The following FAM186A variants were observed in gnomAD, a reference collection of about 807,000 sequenced individuals.
The protein encoded by FAM186A is family with sequence similarity 186 member A, also known as protein FAM186A.
FAM186A carries 163 observed loss-of-function variants against 216.8 expected under a neutral mutation model. The ratio of observed to expected loss-of-function variants is 0.75; its 90% CI spans 0.66 to 0.86. The LOEUF is 0.86. Among genes scored for constraint, FAM186A ranks in the 40% least tolerant of loss-of-function variants. FAM186A has a pLI of 0.00. For synonymous variants in FAM186A, 805 were observed against 1,025.3 expected, an observed-to-expected ratio of 0.79 and a Z score of 4.10; for missense variants, 2,184 against 2,746.2, an observed-to-expected ratio of 0.80 and a Z score of 4.58.
At chr12:50,391,288 C>T (rs1943354341) in intron 1 of FAM186A, among the ~76,000 whole-genome samples, 1 of 151,598 alleles carries the variant, frequency 6.6e-6, no homozygotes, top group African/African-American at 2.4e-5. Flanking sequence ...GCCACCATGC[C>T]AGGCCTTATT....
chr12:50,346,187 G>C (rs1942810359), intron 4 of FAM186A, among the ~76,000 whole-genome samples: 1 of 50,782 alleles, frequency 2.0e-5, no homozygotes, highest in Non-Finnish European at 3.6e-5. Flanking sequence ...AAGAAGAAAG[G>C]AAAGAAAGAA....
At position 50,396,493 on chromosome 12, in the gene FAM186A, T is replaced by C. The variant is rs779887745; in HGVS notation, c.-9A>G. ...TTCATTTTGAAGAACATTTTGAAAA[T>C]GTGGGTGATTTCGTTTTATTTCTTC... On this transcript the variant is annotated 5_prime_UTR_variant, in exon 1 of 8. Coordinates refer to ENST00000327337, the MANE Select transcript of FAM186A (RefSeq NM_001145475.3). 5.9e-5 allele frequency: 91 copies of C among 1,532,746 alleles called. No individual in the cohort carries two copies. The highest frequency in any genetic ancestry group is 7.1e-5 in the Non-Finnish European group (81 of 1,140,660). The allele number at this position is 1,532,746 out of a possible 1,614,324, so 94.9% of individuals were successfully genotyped here. A position where few individuals can be genotyped will look rare whatever the true frequency, so the allele number is the denominator to read the frequency against.
At chr12:50,358,922 C>CAAAAA (rs71441361) in intron 3 of FAM186A, among the ~76,000 whole-genome samples, 1 of 118,730 alleles carries the variant, frequency 8.4e-6, no homozygotes. Flanking sequence ...GACTCTGTCT[C>CAAAAA]AAAAAAAAAA....
Position 50,331,812 on chromosome 12 carries a change from T to C in FAM186A, c.6706A>G (p.Ile2236Val). Residue 2236 changes from isoleucine (I) to valine (V), a missense_variant, in exon 6 of 8, where the codon ATA becomes GTA. Ile to Val is a conservative substitution (Grantham distance 29, BLOSUM62 3). Transcript: ENST00000327337. ...MIHVFNQLKK[I>V]HELNLSQPIP... is the part of the protein sequence containing the mutation. ...GGTTGACTAAGATTCAATTCATGTA[T>C]CTTTTTGAGCTATAAAAAAAAATAG... 1 of 1,525,886 alleles carries C rather than the reference T, an allele frequency of 6.6e-7. No individual in the cohort carries two copies. Among genetic ancestry groups the C allele is most frequent in the South Asian group, 1.3e-5 (1 of 78,618 alleles). The allele number at this position is 1,525,886 out of a possible 1,614,324, so 94.5% of individuals were successfully genotyped here.
chr12:50,327,512 G>T, intron 7 of FAM186A, 108 bp from the exon 8 acceptor site: 14 of 630,054 alleles, frequency 2.2e-5, no homozygotes, highest in Non-Finnish European at 3.3e-5. Flanking sequence ...AACTCAAAAA[G>T]ATAAACTAGT....
chr12:50,344,483 G>T (rs1565881179), intron 4 of FAM186A, among the ~76,000 whole-genome samples: 1 of 152,154 alleles, frequency 6.6e-6, no homozygotes, highest in Non-Finnish European at 1.5e-5. Flanking sequence ...TCCATATGTT[G>T]TATATATACC....
At chr12:50,337,960 G>T (rs550980796) in intron 4 of FAM186A, among the ~76,000 whole-genome samples, 7 of 152,082 alleles carry the variant, frequency 4.6e-5, no homozygotes, top group African/African-American at 7.2e-5. Flanking sequence ...AACCATGGGG[G>T]TATCTTATTA....
At chr12:50,369,791 C>A (rs1447698804) in intron 1 of FAM186A, among the ~76,000 whole-genome samples, 1 of 151,898 alleles carries the variant, frequency 6.6e-6, no homozygotes, top group Non-Finnish European at 1.5e-5. Context: ...GAGTTTGAGA[C>A]CAGCCTGGCC....
Position 50,355,571 on chromosome 12 carries a change from G to T in FAM186A, c.1261C>A (p.Arg421=). ...AERTPDLTEL[R]QQPVASEDIS... ...TCTTCAGAAGCAACAGGTTGCTGTC[G>T]TAGTTCAGTTAAATCTGGAGTTCTT... Residue 421 remains arginine, a synonymous_variant, in exon 4 of 8, where the codon CGA becomes AGA. Transcript: ENST00000327337. 4.5e-6 allele frequency: 7 copies of T among 1,551,570 alleles called. No homozygotes were observed. The highest frequency in any genetic ancestry group is 6.1e-6 in the Non-Finnish European group (7 of 1,146,960).
intron 2 of FAM186A, among the ~76,000 whole-genome samples, chr12:50,361,751 A>G (rs1366628022): frequency 1.3e-5 from 2 of 148,860 alleles, no homozygotes; most frequent in Middle Eastern, 3.6e-3. Context: ...TTGAATTTTT[A>G]GTAGAGATGG....
Position 50,355,028 on chromosome 12 carries a change from T to C in FAM186A, c.1804A>G (p.Lys602Glu). Residue 602 changes from lysine (K) to glutamate (E), a missense_variant, in exon 4 of 8, where the codon AAA becomes GAA. This residue lies in a region of FAM186A where 1,132 missense variants were observed against 1,263.4 expected (regional missense o/e 0.90). Transcript: ENST00000327337. ...TGTTTCTTTCCTTTTATTTTTCCTT[T>C]CTGTGGCTCAGCAGTATCATCAAAT... ...IQFDDTAEPQ[K>E]GKIKGKKHHI... 1 of 1,551,728 alleles carries C rather than the reference T, an allele frequency of 6.4e-7. No homozygotes were observed. The highest frequency in any genetic ancestry group is 8.7e-7 in the Non-Finnish European group (1 of 1,147,002).
chr12:50,347,912 G>A (rs1236763481), intron 4 of FAM186A, among the ~76,000 whole-genome samples: 2 of 151,582 alleles, frequency 1.3e-5, no homozygotes, highest in East Asian at 3.9e-4. Context: ...TTGTTTTTTT[G>A]TTGTTTTTTT....
intron 4 of FAM186A, among the ~76,000 whole-genome samples, chr12:50,344,852 T>C (rs1347888509): frequency 2.0e-5 from 3 of 152,114 alleles, no homozygotes; most frequent in Non-Finnish European, 1.5e-5. Context: ...CATAGGCCTG[T>C]AGTCCCAGCT....
intron 1 of FAM186A, among the ~76,000 whole-genome samples, chr12:50,384,515 A>C (rs1351699942): frequency 6.6e-6 from 1 of 152,192 alleles, no homozygotes; most frequent in Non-Finnish European, 1.5e-5. Context: ...AGAACAAAGC[A>C]GGAGGCATCA....
Position 50,351,802 on chromosome 12 carries a change from A to G in FAM186A, c.5030T>C (p.Leu1677Ser), listed in dbSNP as rs1218227828. 6 of 1,549,098 alleles carry G rather than the reference A, an allele frequency of 3.9e-6. No individual in the cohort carries two copies. Among genetic ancestry groups the G allele is most frequent in the Non-Finnish European group, 5.2e-6 (6 of 1,145,586 alleles). ...QTHALESPMN[L>S]EQAQEQLLKL... The stretch of plus-strand genomic sequence containing the variant: ...CAATAACTGTTCTTGAGCCTGTTCT[A>G]AGTTCATAGGGGACTCCAAAGCGTG... The change falls in exon 4 of 8, where the codon TTA (leucine) becomes TCA (serine). Residue 1677 changes from leucine (L) to serine (S), a missense_variant. Physicochemically the swap from Leu to Ser is moderately radical, Grantham distance 145. This residue lies in a region of FAM186A where 721 missense variants were observed against 816.4 expected (regional missense o/e 0.88). Coordinates refer to ENST00000327337, the MANE Select transcript of FAM186A (RefSeq NM_001145475.3).
At chr12:50,367,244 C>A (rs1158182678) in intron 1 of FAM186A, among the ~76,000 whole-genome samples, 1 of 151,992 alleles carries the variant, frequency 6.6e-6, no homozygotes, top group African/African-American at 2.4e-5. Context: ...AAAGGCCAGA[C>A]ACGGTGCCTC....
chr12:50,349,611 G>A (rs2138771817), intron 4 of FAM186A, among the ~76,000 whole-genome samples: 1 of 150,876 alleles, frequency 6.6e-6, no homozygotes, highest in Middle Eastern at 3.4e-3. Flanking sequence ...ATGACCTCTA[G>A]TTCCATTCAT....
At chr12:50,393,193 G>A (rs979577544) in intron 1 of FAM186A, among the ~76,000 whole-genome samples, 1 of 151,900 alleles carries the variant, frequency 6.6e-6, no homozygotes, top group Non-Finnish European at 1.5e-5. Flanking sequence ...CAAAGTGCTG[G>A]GATTACAGGT....
At position 50,353,179 on chromosome 12, in the gene FAM186A, GGGA is replaced by G; in HGVS notation, c.3650_3652del (p.Ile1217_Pro1218delinsThr). On this transcript the variant is annotated inframe_deletion, in exon 4 of 8. Transcript: ENST00000327337. ...GGCCTGGGCCTGCTGAGGGGTGAGA[GGGA>G]TCCCCAATTCCTGAGCCTGCTGAGG... 2 of 1,478,806 alleles carry G rather than the reference GGGA, an allele frequency of 1.4e-6. No homozygotes were observed. Among genetic ancestry groups the G allele is most frequent in the Non-Finnish European group, 9.0e-7 (1 of 1,105,914 alleles). The allele number at this position is 1,478,806 out of a possible 1,614,324, so 91.6% of individuals were successfully genotyped here.
Sources: allele counts gnomAD v4.1 joint callset (sites outside exome capture counted in the v4.1 genomes callset), GRCh38; gene constraint gnomAD v4.1.1; regional missense constraint gnomAD v4.1.1; transcripts MANE v1.5; gene names NCBI Gene and HGNC (gene_info 2026-07-23, HGNC 2026-07-21).